Variants in IL19 observed in about 807,000 individuals in gnomAD.
The protein encoded by IL19 is interleukin 19.
In IL19, 15 loss-of-function variants were observed where a neutral mutation model predicts 19.5. That is an observed-to-expected ratio of 0.77 (90% CI 0.52 to 1.19). The LOEUF (loss-of-function observed/expected upper bound fraction) is 1.19, where lower values mean the gene tolerates loss of function less well. Ranked by LOEUF, IL19 falls within the 50% of genes most tolerant of loss-of-function variation. The pLI is 0.00. For synonymous variants in IL19, 78 were observed against 78.3 expected (o/e 1.00, Z 0.02); for missense variants, 199 against 213.1 (o/e 0.93, Z 0.41).
At chr1:206,839,030 C>T (rs1026233473) in intron 4 of IL19, among the ~76,000 whole-genome samples, 2 of 152,164 alleles carry the variant, frequency 1.3e-5, no homozygotes, top group South Asian at 2.1e-4. Flanking sequence ...GCTGTCCCAC[C>T]GTTAACCACT....
At chr1:206,777,496 A>G (rs2102445484) in intron 1 of IL19, among the ~76,000 whole-genome samples, 1 of 152,162 alleles carries the variant, frequency 6.6e-6, no homozygotes, top group African/African-American at 2.4e-5. Context: ...CCCATGCCTT[A>G]CTGCAATTCT....
intron 1 of IL19, 76 bp downstream of exon 1, chr1:206,771,154 CGA>C: frequency 7.1e-7 from 1 of 1,410,790 alleles, no homozygotes; most frequent in Non-Finnish European, 1.0e-6. Flanking sequence ...TTGGTTCTAG[CGA>C]TCCTCCTTCA....
At chr1:206,807,545 A>C (rs551341196) in intron 2 of IL19, among the ~76,000 whole-genome samples, 5 of 152,160 alleles carry the variant, frequency 3.3e-5, no homozygotes, top group Non-Finnish European at 7.4e-5. Flanking sequence ...TTCTCATTAC[A>C]TCTCAGCTTA....
chr1:206,839,930 C>A lies in IL19; in HGVS notation c.291C>A (p.Asn97Lys). The change falls in exon 5 of 7, where the codon AAC (asparagine) becomes AAA (lysine). Residue 97 changes from asparagine (N) to lysine (K), a missense_variant. By Grantham distance (94) the Asn-to-Lys change is moderately conservative. Coordinates refer to ENST00000659997, the MANE Select transcript of IL19 (RefSeq NM_153758.5). ...TGTTCAAGGATCATCAGGAGCCAAACCCCAAAATCTTGAGAAAAATCAGCA... is the reference window on the plus strand; with the variant it reads ...TGTTCAAGGATCATCAGGAGCCAAAACCCAAAATCTTGAGAAAAATCAGCA... ...DRVFKDHQEP[N>K]PKILRKISSI... 6.2e-7 allele frequency: 1 copy of A among 1,614,154 alleles called. No individual in the cohort carries two copies. The highest frequency in any genetic ancestry group is 8.5e-7 in the Non-Finnish European group (1 of 1,180,008).
At chr1:206,815,908 A>G (rs1419735317) in intron 2 of IL19, among the ~76,000 whole-genome samples, 1 of 152,194 alleles carries the variant, frequency 6.6e-6, no homozygotes, top group African/African-American at 2.4e-5. Flanking sequence ...CCCTCGAATA[A>G]CATTGTTTCC....
chr1:206,818,525 C>A (rs1180318586), intron 2 of IL19, among the ~76,000 whole-genome samples: 1 of 152,098 alleles, frequency 6.6e-6, no homozygotes, highest in Non-Finnish European at 1.5e-5. Flanking sequence ...TTAGTGCTTG[C>A]CTGAGCAGGG....
chr1:206,788,324 C>A (rs549092846), intron 1 of IL19, among the ~76,000 whole-genome samples: 2 of 152,156 alleles, frequency 1.3e-5, no homozygotes, highest in Non-Finnish European at 2.9e-5. Context: ...TAGTTGGTTT[C>A]CCCTATTGCT....
intron 2 of IL19, among the ~76,000 whole-genome samples, chr1:206,809,116 T>C (rs1252922354): frequency 6.6e-6 from 1 of 152,236 alleles, no homozygotes; most frequent in Non-Finnish European, 1.5e-5. Flanking sequence ...CCCCCATGGG[T>C]GTTGCCCCCA....
At chr1:206,795,925 A>ATGTGTGTG (rs1316791210) in intron 1 of IL19, among the ~76,000 whole-genome samples, 127 of 132,340 alleles carry the variant, frequency 9.6e-4, no homozygotes, top group African/African-American at 3.4e-3. Context: ...ATAAATATAT[A>ATGTGTGTG]TATGTGTGTG....
At chr1:206,797,072 G>C (rs981715863) in intron 1 of IL19, among the ~76,000 whole-genome samples, 1 of 152,174 alleles carries the variant, frequency 6.6e-6, no homozygotes, top group Non-Finnish European at 1.5e-5. Flanking sequence ...TCCTTCGCTG[G>C]GGTCAGCCTC....
intron 1 of IL19, among the ~76,000 whole-genome samples, chr1:206,781,805 G>A (rs1242290944): frequency 6.7e-6 from 1 of 149,370 alleles, no homozygotes; most frequent in Non-Finnish European, 1.5e-5. Flanking sequence ...CATCTTCAAA[G>A]TTATAGAGGA....
At chr1:206,799,311 C>A (rs533168699) in intron 2 of IL19, among the ~76,000 whole-genome samples, 1 of 152,120 alleles carries the variant, frequency 6.6e-6, no homozygotes, top group African/African-American at 2.4e-5. Flanking sequence ...CCCATTTCTT[C>A]ACACAACAAG....
chr1:206,807,831 T>C (rs1675887914), intron 2 of IL19, among the ~76,000 whole-genome samples: 1 of 152,178 alleles, frequency 6.6e-6, no homozygotes, highest in African/African-American at 2.4e-5. Context: ...AAAAGAAACA[T>C]TGAAATGGTG....
intron 4 of IL19, among the ~76,000 whole-genome samples, chr1:206,838,967 A>C (rs940134137): frequency 4.6e-5 from 7 of 152,350 alleles, no homozygotes; most frequent in Middle Eastern, 3.4e-3. Context: ...GCCATCTAGG[A>C]AAAGCTGACA....
At chr1:206,805,594 A>G (rs1675828222) in intron 2 of IL19, among the ~76,000 whole-genome samples, 1 of 152,228 alleles carries the variant, frequency 6.6e-6, no homozygotes, top group South Asian at 2.1e-4. Flanking sequence ...ACTGCAGAAA[A>G]CTGAATTAAT....
chr1:206,778,348 A>G (rs896954189), intron 1 of IL19, among the ~76,000 whole-genome samples: 1 of 152,160 alleles, frequency 6.6e-6, no homozygotes, highest in African/African-American at 2.4e-5. Flanking sequence ...CAGGTGTTTG[A>G]GCCTTGGCCA....
chr1:206,840,199 C>G (rs999570620), intron 5 of IL19, 197 bp downstream of exon 5: 1 of 713,716 alleles, frequency 1.4e-6, no homozygotes, highest in East Asian at 2.7e-5. Flanking sequence ...GCTGACAACT[C>G]CTCAGATGGT....
chr1:206,807,613 G>GT (rs1398801530), intron 2 of IL19, among the ~76,000 whole-genome samples: 2 of 151,920 alleles, frequency 1.3e-5, no homozygotes. Flanking sequence ...AGTTTCCTTT[G>GT]TTTTTTTGGC....
intron 1 of IL19, among the ~76,000 whole-genome samples, chr1:206,777,006 C>T (rs183260361): frequency 1.1e-3 from 164 of 149,916 alleles, no homozygotes; most frequent in Middle Eastern, 3.4e-3. Flanking sequence ...CCGAGGTGGA[C>T]GGATCACGAG....
Sources: allele counts gnomAD v4.1 joint callset (sites outside exome capture counted in the v4.1 genomes callset), GRCh38; gene constraint gnomAD v4.1.1; transcripts MANE v1.5; gene names NCBI Gene and HGNC (gene_info 2026-07-23, HGNC 2026-07-21).